VWF: variants seen among roughly 807,000 people sequenced by gnomAD.
VWF encodes von Willebrand factor, also known as Factor VIII related antigen.
A neutral mutation model predicts 308.6 loss-of-function variants in VWF; 176 were observed. The observed-to-expected ratio is 0.57, with a 90% CI of 0.50 to 0.65. The LOEUF is 0.65. VWF is among the 30% of genes least tolerant of loss of function. VWF has a pLI of 0.00. For missense variants in VWF, 3,146 were observed against 3,648.2 expected (o/e 0.86, Z 3.55); for synonymous variants, 1,385 against 1,443.4 (o/e 0.96, Z 0.92).
At position 6,121,178 on chromosome 12, in the gene VWF, A is replaced by C; in HGVS notation, c.216T>G (p.Ile72Met). ...AGGCQKRSFS[I>M]IGDFQNGKRV... ...CCTGCAGTGCCCAGAACTCACCAAT[A>C]ATCGAGAAGGAGCGTTTCTGGCAGC... Residue 72 changes from isoleucine (I) to methionine (M), a missense_variant, in exon 3 of 52, where the codon ATT becomes ATG. By Grantham distance (10) the Ile-to-Met change is conservative (BLOSUM62 1). This residue lies in a region of VWF where 1,304 missense variants were observed against 1,353.0 expected (regional missense o/e 0.96). Transcript: ENST00000261405. 1 of 1,614,122 alleles carries C rather than the reference A, an allele frequency of 6.2e-7. No individual in the cohort carries two copies. The highest frequency in any genetic ancestry group is 8.5e-7 in the Non-Finnish European group (1 of 1,180,014).
intron 20 of VWF, among the ~76,000 whole-genome samples, chr12:6,033,615 G>A (rs74458476): frequency 1.6e-3 from 245 of 152,322 alleles, no homozygotes; most frequent in African/African-American, 4.3e-3. Context: ...ATATCCCCCC[G>A]GATCATAGGT....
intron 21 of VWF, 148 bp downstream of exon 21, chr12:6,031,296 G>T: frequency 7.5e-7 from 1 of 1,334,132 alleles, no homozygotes; most frequent in Non-Finnish European, 1.1e-6. Flanking sequence ...AATACGTCAC[G>T]GTCAGTTGCA....
rs1945203451 is a variant in VWF, at chr12:6,103,479, TATACATATATGTGTATACACACAC to T, written c.532+6871_532+6894del. Among the ~76,000 whole-genome samples, 2 of 143,038 alleles carry T rather than the reference TATACATATATGTGTATACACACAC, an allele frequency of 1.4e-5. 1 individual carries two copies. Among genetic ancestry groups the T allele is most frequent in the African/African-American group, 5.4e-5 (2 of 36,856 alleles). 93.8% of individuals were successfully genotyped at this position (143,038 alleles called of 152,430 possible). A position where few individuals can be genotyped will look rare whatever the true frequency, so the allele number is the denominator to read the frequency against. ...ATGTGTATATACACATATGTGTGTA[TATACATATATGTGTATACACACAC>T]GTATATATATACACACATATGTGTA... On this transcript the variant is annotated intron_variant, in intron 5 of 51. Transcript: ENST00000261405.
intron 43 of VWF, among the ~76,000 whole-genome samples, chr12:5,975,159 T>G (rs1410715551): frequency 2.0e-5 from 3 of 152,186 alleles, no homozygotes; most frequent in African/African-American, 7.2e-5. Context: ...CAAATGCAAG[T>G]AGAATAGCAG....
chr12:6,052,552 T>C lies in VWF; in HGVS notation c.2177A>G (p.His726Arg). The C allele has an allele frequency of 6.2e-7, 1 of 1,614,218 alleles. No homozygotes were observed. The highest frequency in any genetic ancestry group is 8.5e-7 in the Non-Finnish European group (1 of 1,180,052). Reference sequence around the variant, plus strand: ...TGCTGCCTGCACTTACCACATGGTGTGATGGTCTGAGAAGATGTCTTCTGG... The same window carrying C: ...TGCTGCCTGCACTTACCACATGGTGCGATGGTCTGAGAAGATGTCTTCTGG... ...FQPEDIFSDH[H>R]TMCYCEDGFM... Residue 726 changes from histidine (H) to arginine (R), a missense_variant, in exon 16 of 52, where the codon CAC (histidine) becomes CGC (arginine). Transcript: ENST00000261405.
In VWF at chr12:6,025,572, G is replaced by A. The variant is rs775436547; in HGVS notation, c.3222+8C>T. On this transcript the variant is annotated splice_region_variant and intron_variant, in intron 24 of 51. Coordinates refer to ENST00000261405, the MANE Select transcript of VWF (RefSeq NM_000552.5). ...CCGTCTGCTTCCCACTACCCTCAAG[G>A]TCCTCACCAGCTTGTTGCAGTCCTG... 1.0e-5 allele frequency: 15 copies of A among 1,482,242 alleles called. No homozygotes were observed. In the South Asian group the frequency reaches 1.3e-4, roughly 12 times the overall value. The allele number at this position is 1,482,242 out of a possible 1,614,324, so 91.8% of individuals were successfully genotyped here.
chr12:6,044,048 A>G (rs577278287), intron 18 of VWF, among the ~76,000 whole-genome samples: 8 of 152,012 alleles, frequency 5.3e-5, no homozygotes, highest in African/African-American at 1.9e-4. Flanking sequence ...CTAAGTTCTT[A>G]TATTTTTGTC....
chr12:5,977,867 C>G (rs1243985031), intron 42 of VWF, among the ~76,000 whole-genome samples: 1 of 147,930 alleles, frequency 6.8e-6, no homozygotes, highest in Non-Finnish European at 1.5e-5. Flanking sequence ...AAGACCCTAT[C>G]TCTCTCTCTA....
At chr12:5,971,992 C>G (rs1321917335) in intron 43 of VWF, among the ~76,000 whole-genome samples, 1 of 152,180 alleles carries the variant, frequency 6.6e-6, no homozygotes, top group Non-Finnish European at 1.5e-5. Flanking sequence ...TAAAGACAGC[C>G]CAGAGTTCCC....
chr12:6,101,991 T>C (rs1945168112), intron 5 of VWF, among the ~76,000 whole-genome samples: 1 of 151,316 alleles, frequency 6.6e-6, no homozygotes, highest in Non-Finnish European at 1.5e-5. Context: ...AACATGACAT[T>C]TATGGGGGAG....
rs765633902 is a variant in VWF, at chr12:6,071,307, T to A, written c.1146A>T (p.Glu382Asp). ...CRNSQWICSNEECPGECLVTG... is the reference protein window; with the variant it reads ...CRNSQWICSNDECPGECLVTG... ...CGGCAGGTCGCCTACCTGGACATTC[T>A]TCATTGCTGCAGATCCACTGGCTGT... Residue 382 changes from glutamate to aspartate, a missense_variant, in exon 10 of 52, where the codon GAA (glutamate) becomes GAT (aspartate). By Grantham distance (45) the Glu-to-Asp change is conservative. This residue lies in a region of VWF where 1,304 missense variants were observed against 1,353.0 expected (regional missense o/e 0.96). Coordinates refer to ENST00000261405, the MANE Select transcript of VWF (RefSeq NM_000552.5). 6.2e-7 allele frequency: 1 copy of A among 1,614,174 alleles called. No individual in the cohort carries two copies. The highest frequency in any genetic ancestry group is 8.5e-7 in the Non-Finnish European group (1 of 1,180,036).
At chr12:6,068,298 G>A (rs61908663) in intron 10 of VWF, among the ~76,000 whole-genome samples, 16 of 152,028 alleles carry the variant, frequency 1.1e-4, no homozygotes, top group African/African-American at 3.6e-4. Context: ...CCCTGGACGC[G>A]GCTGCCCTGC....
rs765259491 is a variant in VWF at position 5,949,097 on chromosome 12, T to C, written c.8360A>G (p.His2787Arg). ...TRTEPMQVAL[H>R]CTNGSVVYHE... ...GTACACAACAGAGCCATTGGTGCAG[T>C]GCAGGGCCACCTGCATGGGCTCCGT... The change falls in exon 52 of 52, where the codon CAC becomes CGC. Residue 2787 changes from histidine to arginine, a missense_variant. By Grantham distance (29) the His-to-Arg change is conservative. Coordinates refer to ENST00000261405, the MANE Select transcript of VWF (RefSeq NM_000552.5). 4 of 1,614,102 alleles carry C rather than the reference T, an allele frequency of 2.5e-6. No individual in the cohort carries two copies. The highest frequency in any genetic ancestry group is 3.4e-6 in the Non-Finnish European group (4 of 1,180,036).
chr12:6,016,518 A>G lies in VWF; in HGVS notation c.5309T>C (p.Ile1770Thr). ...VMQREGGPSQIGDALGFAVRY... is the reference protein window; with the variant it reads ...VMQREGGPSQTGDALGFAVRY... The stretch of plus-strand genomic sequence containing the variant: ...CCAGCCTGTGGCACCAACGTTACCG[A>G]TTTGGCTGGGGCCTCCCTCCCGCTG... The change falls in exon 30 of 52, where the codon ATC becomes ACC. Residue 1770 changes from isoleucine (I) to threonine (T), a missense_variant and splice_region_variant. By Grantham distance (89) the Ile-to-Thr change is moderately conservative (BLOSUM62 -1). This residue lies in a region of VWF where 853 missense variants were observed against 1,177.8 expected (regional missense o/e 0.72). Transcript: ENST00000261405. 1 of 1,613,852 alleles carries G rather than the reference A, an allele frequency of 6.2e-7. No individual in the cohort carries two copies. The highest frequency in any genetic ancestry group is 1.1e-5 in the South Asian group (1 of 91,064).
At chr12:6,087,858 G>A (rs190268851) in intron 6 of VWF, among the ~76,000 whole-genome samples, 1 of 152,102 alleles carries the variant, frequency 6.6e-6, no homozygotes, top group African/African-American at 2.4e-5. Flanking sequence ...GCTGTCGGAG[G>A]TTGCTGCTGC....
chr12:6,088,509 G>A (rs1190002063), intron 6 of VWF, among the ~76,000 whole-genome samples: 1 of 150,280 alleles, frequency 6.7e-6, no homozygotes, highest in Non-Finnish European at 1.5e-5. Context: ...GAGAGAGAGA[G>A]AAAGGGGTGC....
At chr12:6,104,614 T>G (rs1159601709) in intron 5 of VWF, among the ~76,000 whole-genome samples, 2 of 151,926 alleles carry the variant, frequency 1.3e-5, no homozygotes. Flanking sequence ...GGAGAATTGC[T>G]TGAACCCGGG....
Position 6,058,117 on chromosome 12 carries a change from G to A in VWF, c.1534-73C>T. ...GGCATAGTTGTTTAGCTAATGAGAT[G>A]GTTTTAATAAAAAAAAAAAAGTTCC... On this transcript the variant is annotated intron_variant, in intron 13 of 51. Transcript: ENST00000261405. This position sits in a 1 kb window ranked among gnomAD's most constrained non-coding sequence, Gnocchi z 4.9. 2.6e-6 allele frequency: 4 copies of A among 1,516,856 alleles called. No individual in the cohort carries two copies. Among genetic ancestry groups the A allele is most frequent in the Admixed American group, 2.1e-5 (1 of 48,504 alleles). 94.0% of individuals were successfully genotyped at this position (1,516,856 alleles called of 1,614,324 possible).
intron 6 of VWF, among the ~76,000 whole-genome samples, chr12:6,081,584 C>T (rs980648716): frequency 2.6e-5 from 4 of 152,274 alleles, no homozygotes; most frequent in East Asian, 1.9e-4. Flanking sequence ...GTGATCCACC[C>T]GCCTTTGCCT....
Sources: gnomAD v4.1 joint callset for allele counts (sites outside exome capture counted in the v4.1 genomes callset) on GRCh38, gnomAD v4.1.1 for gene constraint, gnomAD v4.1.1 regional missense constraint, Gnocchi (gnomAD v3.1) non-coding constraint, MANE v1.5 for transcripts, NCBI Gene and HGNC (gene_info 2026-07-23, HGNC 2026-07-21) for gene names.